Variants in CTTN observed in about 807,000 individuals in gnomAD.
The protein encoded by CTTN is src substrate cortactin.
Under a neutral mutation model 84.0 loss-of-function variants are expected in CTTN, and 28 were observed. That is an observed-to-expected ratio of 0.33 (90% CI 0.25 to 0.46). The LOEUF is 0.46. Ranked by LOEUF, CTTN falls within the 20% of genes least tolerant of loss-of-function variation. The probability of loss-of-function intolerance (pLI) is 1.00; values close to 1 mark genes in which losing one functional copy is unlikely to be tolerated. For synonymous variants in CTTN, 301 were observed against 288.8 expected, an observed-to-expected ratio of 1.04 and a Z score of -0.43; for missense variants, 641 against 723.8, an observed-to-expected ratio of 0.89 and a Z score of 1.31.
intron 17 of CTTN, among the ~76,000 whole-genome samples, chr11:70,434,132 C>T (rs2058387657): frequency 6.6e-6 from 1 of 152,238 alleles, no homozygotes; most frequent in Non-Finnish European, 1.5e-5. Flanking sequence ...CCCGTGTGGC[C>T]TGCACGTTCC....
rs776585210 is a variant in CTTN at position 70,433,176 on chromosome 11, A to C, written c.1342A>C (p.Met448Leu). 6.2e-7 allele frequency: 1 copy of C among 1,613,638 alleles called. No homozygotes were observed. The highest frequency in any genetic ancestry group is 8.5e-7 in the Non-Finnish European group (1 of 1,179,986). Residue 448 changes from methionine to leucine, a missense_variant, in exon 16 of 18, where the codon ATG becomes CTG. Physicochemically the swap from Met to Leu is conservative, Grantham distance 15 (BLOSUM62 2). Coordinates refer to ENST00000301843, the MANE Select transcript of CTTN (RefSeq NM_005231.4). ...SGTEPEPVYS[M>L]EAADYREASS... is the part of the protein sequence containing the mutation. ...GACGGAGCCGGAGCCCGTGTACAGC[A>C]TGGAGGCCGCTGACTACCGAGAGGC...
rs1008264060 is a variant in CTTN, at chr11:70,435,570, G to A, written c.*408G>A. 1.7e-5 allele frequency: 26 copies of A among 1,564,228 alleles called. No individual in the cohort carries two copies. Among genetic ancestry groups the A allele is most frequent in the Non-Finnish European group, 2.1e-5 (24 of 1,161,908 alleles). ...CGAGGCCTCAGGTCGGCCCTGTGGC[G>A]GGTAGGCAGGAAGGACTGTCCCAGA... On this transcript the variant is annotated 3_prime_UTR_variant, in exon 18 of 18. Transcript: ENST00000301843.
At chr11:70,398,896 G>A (rs1012214140) in intron 1 of CTTN, among the ~76,000 whole-genome samples, 58 of 151,934 alleles carry the variant, frequency 3.8e-4, no homozygotes, top group African/African-American at 1.3e-3. Flanking sequence ...GGGGTCCGCG[G>A]AGGAAGGTTA....
intron 14 of CTTN, among the ~76,000 whole-genome samples, chr11:70,430,427 G>A (rs2058342119): frequency 6.6e-6 from 1 of 152,180 alleles, no homozygotes. Flanking sequence ...GTTCCTCCTG[G>A]TGGCCCCTCG....
At chr11:70,434,908 C>G in intron 17 of CTTN, 118 bp from the exon 18 acceptor site, 2 of 1,095,492 alleles carry the variant, frequency 1.8e-6, no homozygotes, top group Non-Finnish European at 2.8e-6. Flanking sequence ...TGGTCCGCAT[C>G]TCTGCAGGGG....
rs1475592588 is a variant in CTTN, at chr11:70,434,416, C to T, written c.1517-610C>T. ...GTGGGATTCCCCTCAGAACCCCCGG[C>T]CTCTGCCTCTTGAGTGCTTCCCGTT... On this transcript the variant is annotated intron_variant, in intron 17 of 17. Transcript: ENST00000301843. Among the ~76,000 whole-genome samples, 3 of 152,278 alleles carry T rather than the reference C, an allele frequency of 2.0e-5. No homozygotes were observed. The East Asian group carries it at 5.8e-4, about 29-fold the overall frequency.
At chr11:70,414,861 C>G (rs2058139493) in intron 6 of CTTN, among the ~76,000 whole-genome samples, 1 of 152,124 alleles carries the variant, frequency 6.6e-6, no homozygotes, top group Admixed American at 6.5e-5. Context: ...TGTAGCAGTC[C>G]CTGCGGTCGC....
chr11:70,424,738 G>C (rs1048962158), intron 12 of CTTN, among the ~76,000 whole-genome samples: 1 of 152,062 alleles, frequency 6.6e-6, no homozygotes, highest in African/African-American at 2.4e-5. Flanking sequence ...GAGGTGCTGG[G>C]CAGAAAGGGG....
In CTTN at chr11:70,436,483, ATATGC is replaced by A. The variant is rs1342013557; in HGVS notation, c.*1322_*1326del. On this transcript the variant is annotated 3_prime_UTR_variant, in exon 18 of 18. Transcript: ENST00000301843. Reference sequence around the variant, plus strand: ...ACAATGAGCAATGAGGTCGGGTTTTATATGCAACTTATTGTATCTGAATTCCTGTA... The same window carrying A: ...ACAATGAGCAATGAGGTCGGGTTTTAAACTTATTGTATCTGAATTCCTGTA... 4.7e-6 allele frequency: 6 copies of A among 1,289,654 alleles called. No homozygotes were observed. The Admixed American group carries it at 7.3e-5, about 16-fold the overall frequency. 79.9% of individuals were successfully genotyped at this position (1,289,654 alleles called of 1,614,324 possible).
chr11:70,425,448 A>T, intron 13 of CTTN, 47 bp downstream of exon 13: 2 of 1,438,138 alleles, frequency 1.4e-6, no homozygotes, highest in Non-Finnish European at 1.9e-6. Context: ...TCCCAGGAAA[A>T]CACTGAGGGG....
chr11:70,424,517 A>T (rs1351134866), intron 12 of CTTN, among the ~76,000 whole-genome samples: 4 of 152,104 alleles, frequency 2.6e-5, no homozygotes, highest in Non-Finnish European at 1.5e-5. Context: ...GGATAGGGCT[A>T]CAACCCAGGC....
At chr11:70,399,758 TG>T (rs1486594865) in intron 1 of CTTN, among the ~76,000 whole-genome samples, 1 of 152,200 alleles carries the variant, frequency 6.6e-6, no homozygotes, top group Admixed American at 6.5e-5. Context: ...CATTTTCTGC[TG>T]AAGGAAGCTC....
rs61430373 is a variant in CTTN, at chr11:70,435,768, T to C, written c.*606T>C. On this transcript the variant is annotated 3_prime_UTR_variant, in exon 18 of 18. Transcript: ENST00000301843. ...AGGTGACTTCTAGCAGAGACCCTGGTTTTTTTCCTGTGCCCACTCCGGCTT... is the reference window on the plus strand; with the variant it reads ...AGGTGACTTCTAGCAGAGACCCTGGCTTTTTTCCTGTGCCCACTCCGGCTT... 2.0e-4 allele frequency: 321 copies of C among 1,594,574 alleles called. 1 individual carries two copies. In the East Asian group the frequency reaches 5.4e-3, roughly 27 times the overall value.
At chr11:70,410,168 G>C (rs1399730784) in intron 5 of CTTN, 1 of 518,964 alleles carries the variant, frequency 1.9e-6, no homozygotes, top group East Asian at 3.2e-5. Context: ...ATCCTCAGAG[G>C]TGCTGGAGCA....
intron 1 of CTTN, among the ~76,000 whole-genome samples, chr11:70,399,239 AGG>A (rs1707085838): frequency 1.7e-5 from 2 of 120,606 alleles, no homozygotes; most frequent in Admixed American, 1.9e-4. Flanking sequence ...TCTGACGGGA[AGG>A]GGTCCAGGCG....
At position 70,435,614 on chromosome 11, in the gene CTTN, G is replaced by T; in HGVS notation, c.*452G>T. The T allele has an allele frequency of 6.3e-7, 1 of 1,589,362 alleles. No individual in the cohort carries two copies. Among genetic ancestry groups the T allele is most frequent in the Non-Finnish European group, 8.5e-7 (1 of 1,175,430 alleles). ...TCCCAGACGAGGGGCTTCCTCTAGA[G>T]TCTCACTGCTGGGGAGGAGAGGACT... On this transcript the variant is annotated 3_prime_UTR_variant, in exon 18 of 18. Coordinates refer to ENST00000301843, the MANE Select transcript of CTTN (RefSeq NM_005231.4).
At chr11:70,400,463 C>T (rs2057964635) in intron 1 of CTTN, among the ~76,000 whole-genome samples, 1 of 151,942 alleles carries the variant, frequency 6.6e-6, no homozygotes, top group Non-Finnish European at 1.5e-5. Flanking sequence ...CCCTGTCACC[C>T]AGGCTGGAGT....
intron 2 of CTTN, among the ~76,000 whole-genome samples, chr11:70,406,391 C>G (rs1221443827): frequency 1.3e-5 from 2 of 152,086 alleles, no homozygotes; most frequent in Non-Finnish European, 2.9e-5. Flanking sequence ...ATTGGGTGTC[C>G]TCAGTTCAGA....
In CTTN at chr11:70,435,515, A is replaced by C. The variant is rs2058407912; in HGVS notation, c.*353A>C. The C allele has an allele frequency of 6.4e-7, 1 of 1,560,592 alleles. No homozygotes were observed. Among genetic ancestry groups the C allele is most frequent in the African/African-American group, 1.4e-5 (1 of 73,904 alleles). ...TGTTCGTGTTGCCCTCGTGCCCATC[A>C]AGTGCAGTCGGGACCTCCCAGGACA... is the stretch of plus-strand genomic sequence containing the variant. On this transcript the variant is annotated 3_prime_UTR_variant, in exon 18 of 18. Transcript: ENST00000301843.
Sources: gnomAD v4.1 joint callset for allele counts (sites outside exome capture counted in the v4.1 genomes callset) on GRCh38, gnomAD v4.1.1 for gene constraint, MANE v1.5 for transcripts, NCBI Gene and HGNC (gene_info 2026-07-23, HGNC 2026-07-21) for gene names.